Variants in PDE4D observed in about 807,000 individuals in gnomAD.
PDE4D encodes the protein 3',5'-cyclic-AMP phosphodiesterase 4D.
A neutral mutation model predicts 87.4 loss-of-function variants in PDE4D; 24 were observed. The ratio of observed to expected loss-of-function variants is 0.27; its 90% CI spans 0.20 to 0.39. The LOEUF is 0.39. Among genes scored for constraint, PDE4D ranks in the 10% least tolerant of loss-of-function variants. The pLI is 1.00. For missense variants in PDE4D, 714 were observed against 1,041.0 expected, an observed-to-expected ratio of 0.69 and a Z score of 4.32; for synonymous variants, 384 against 383.2, an observed-to-expected ratio of 1.00 and a Z score of -0.02.
At chr5:60,513,052 A>C (rs1750645108) in intron 1 of PDE4D, among the ~76,000 whole-genome samples, 1 of 152,224 alleles carries the variant, frequency 6.6e-6, no homozygotes, top group African/African-American at 2.4e-5. Flanking sequence ...ATTTTAAAAA[A>C]GGGGAAACAA....
At position 59,046,420 on chromosome 5, in the gene PDE4D, A is replaced by ATGTGTG. The variant is rs34085161; in HGVS notation, c.809-7455_809-7450dup. 6.3e-3 allele frequency among the ~76,000 whole-genome samples: 901 copies of ATGTGTG among 143,424 alleles called. 14 individuals carry two copies. Among genetic ancestry groups the ATGTGTG allele is most frequent in the East Asian group, 0.06 (292 of 4,858 alleles). 94.1% of individuals were successfully genotyped at this position (143,424 alleles called of 152,430 possible). On this transcript the variant is annotated intron_variant, in intron 5 of 14. Transcript: ENST00000340635. ...TGAAAGAGTGAGAGAGAGAGAGAGAATGTGTGTGTGTGTGTGTGTGTGTAT... is the reference window on the plus strand; with the variant it reads ...TGAAAGAGTGAGAGAGAGAGAGAGAATGTGTGTGTGTGTGTGTGTGTGTGTGTGTAT...
chr5:59,494,241 A>C (rs888185198), intron 1 of PDE4D, among the ~76,000 whole-genome samples: 2 of 152,188 alleles, frequency 1.3e-5, no homozygotes, highest in East Asian at 1.9e-4. Context: ...TGAATTTGCA[A>C]TGTGTCAGAT....
chr5:60,432,592 T>G (rs1253877354), intron 1 of PDE4D, among the ~76,000 whole-genome samples: 1 of 152,192 alleles, frequency 6.6e-6, no homozygotes, highest in African/African-American at 2.4e-5. Context: ...AAAATTCATA[T>G]GCAACCCAAA....
intron 1 of PDE4D, among the ~76,000 whole-genome samples, chr5:60,210,959 G>C (rs992845683): frequency 3.9e-5 from 6 of 152,170 alleles, no homozygotes; most frequent in African/African-American, 1.4e-4. Flanking sequence ...GCTGAGAAGC[G>C]GCACAGCCAC....
intron 1 of PDE4D, among the ~76,000 whole-genome samples, chr5:59,822,700 C>T (rs547809135): frequency 7.9e-5 from 12 of 152,188 alleles, no homozygotes; most frequent in Non-Finnish European, 1.3e-4. Context: ...AGCTGCCCAG[C>T]TGTGAGTAGA....
At chr5:59,733,574 A>T (rs868826482) in intron 1 of PDE4D, among the ~76,000 whole-genome samples, 6 of 152,148 alleles carry the variant, frequency 3.9e-5, no homozygotes, top group Admixed American at 6.6e-5. Context: ...TTAGAATGTT[A>T]TCTGCTGTGC....
At chr5:59,406,576 G>C (rs1165145130) in intron 1 of PDE4D, among the ~76,000 whole-genome samples, 1 of 152,078 alleles carries the variant, frequency 6.6e-6, no homozygotes, top group African/African-American at 2.4e-5. Flanking sequence ...TTTTAGTAGA[G>C]ATGGGATTTC....
At chr5:59,692,482 A>G (rs1751128681) in intron 1 of PDE4D, among the ~76,000 whole-genome samples, 1 of 152,150 alleles carries the variant, frequency 6.6e-6, no homozygotes, top group South Asian at 2.1e-4. Context: ...TAATCTCTTT[A>G]AGAGTAAACC....
At chr5:59,124,352 C>T (rs1775054428) in intron 5 of PDE4D, among the ~76,000 whole-genome samples, 1 of 152,190 alleles carries the variant, frequency 6.6e-6, no homozygotes, top group South Asian at 2.1e-4. Context: ...AACTGCTCAC[C>T]AGCAAGCTTG....
At chr5:59,209,272 A>G (rs1044557073) in intron 2 of PDE4D, among the ~76,000 whole-genome samples, 3 of 152,052 alleles carry the variant, frequency 2.0e-5, no homozygotes, top group African/African-American at 7.2e-5. Context: ...TACAACCTCA[A>G]CATCCTGGGT....
chr5:60,130,707 T>C (rs1285087969), intron 2 of PDE4D, among the ~76,000 whole-genome samples: 1 of 152,128 alleles, frequency 6.6e-6, no homozygotes, highest in Non-Finnish European at 1.5e-5. Flanking sequence ...GCTACTATCA[T>C]GGGGAAAGAG....
intron 1 of PDE4D, among the ~76,000 whole-genome samples, chr5:59,295,177 A>G (rs1768813887): frequency 6.6e-6 from 1 of 152,236 alleles, no homozygotes; most frequent in Admixed American, 6.5e-5. Flanking sequence ...TCAGATATCT[A>G]TAAATGCCAT....
intron 2 of PDE4D, among the ~76,000 whole-genome samples, chr5:60,156,709 A>C (rs1782010911): frequency 6.6e-6 from 1 of 152,144 alleles, no homozygotes; most frequent in Admixed American, 6.6e-5. Context: ...GTTTCTGTTA[A>C]TATTTTGGCA....
At chr5:59,979,501 C>T (rs987771112) in intron 3 of PDE4D, among the ~76,000 whole-genome samples, 1 of 150,876 alleles carries the variant, frequency 6.6e-6, no homozygotes, top group African/African-American at 2.4e-5. Flanking sequence ...TGGTAAAATT[C>T]AGAACCCCCT....
At chr5:59,547,871 G>A (rs1817536311) in intron 1 of PDE4D, among the ~76,000 whole-genome samples, 1 of 152,130 alleles carries the variant, frequency 6.6e-6, no homozygotes, top group Non-Finnish European at 1.5e-5. Flanking sequence ...ATTGACTCAA[G>A]GTTGACCTGT....
At chr5:60,317,714 C>T (rs952021906) in intron 1 of PDE4D, among the ~76,000 whole-genome samples, 6 of 152,294 alleles carry the variant, frequency 3.9e-5, no homozygotes, top group South Asian at 2.1e-4. Context: ...TTTCAAAGAA[C>T]ATCTTTATTT....
At chr5:59,771,261 A>C (rs1220693425) in intron 1 of PDE4D, among the ~76,000 whole-genome samples, 1 of 151,688 alleles carries the variant, frequency 6.6e-6, no homozygotes, top group Non-Finnish European at 1.5e-5. Context: ...GACATGAAAA[A>C]GTGCAGCCCA....
At chr5:59,521,757 T>A (rs1353510658) in intron 1 of PDE4D, among the ~76,000 whole-genome samples, 1 of 152,216 alleles carries the variant, frequency 6.6e-6, no homozygotes, top group East Asian at 1.9e-4. Flanking sequence ...GTTAAGTTTA[T>A]GTCCTCTTCT....
At chr5:59,444,703 TC>T (rs1333876000) in intron 1 of PDE4D, among the ~76,000 whole-genome samples, 1 of 152,010 alleles carries the variant, frequency 6.6e-6, no homozygotes, top group African/African-American at 2.4e-5. Flanking sequence ...TCCCAGCTAC[TC>T]CGGAGGCTGA....
Sources: allele counts gnomAD v4.1 joint callset (sites outside exome capture counted in the v4.1 genomes callset), GRCh38; gene constraint gnomAD v4.1.1; transcripts MANE v1.5; gene names NCBI Gene and HGNC (gene_info 2026-07-23, HGNC 2026-07-21).